The following DGKB variants were observed in gnomAD, a reference collection of about 807,000 sequenced individuals.
DGKB encodes diacylglycerol kinase beta, also known as 90 kDa diacylglycerol kinase.
A neutral mutation model predicts 114.3 loss-of-function variants in DGKB; 67 were observed. The ratio of observed to expected loss-of-function variants is 0.59; its 90% CI spans 0.48 to 0.72. The LOEUF (loss-of-function observed/expected upper bound fraction) is 0.72. Ranked by LOEUF, DGKB falls within the 30% of genes least tolerant of loss-of-function variation. The pLI is 0.00. For synonymous variants in DGKB, 398 were observed against 323.1 expected, an observed-to-expected ratio of 1.23 and a Z score of -2.49; for missense variants, 907 against 975.2, an observed-to-expected ratio of 0.93 and a Z score of 0.93.
chr7:14,153,071 T>C (rs1248095148), intron 25 of DGKB, among the ~76,000 whole-genome samples: 8 of 152,078 alleles, frequency 5.3e-5, no homozygotes. Context: ...AAATAATGTT[T>C]ATTCCCCAGA....
chr7:14,812,550 CA>C (rs1843585324), intron 2 of DGKB, among the ~76,000 whole-genome samples: 1 of 151,954 alleles, frequency 6.6e-6, no homozygotes, highest in Non-Finnish European at 1.5e-5. Flanking sequence ...AATATTAAAC[CA>C]CTTCACCTGT....
intron 21 of DGKB, among the ~76,000 whole-genome samples, chr7:14,360,041 A>T (rs953915444): frequency 6.6e-6 from 1 of 152,192 alleles, no homozygotes; most frequent in Non-Finnish European, 1.5e-5. Flanking sequence ...ACTATTCACA[A>T]TACAAAGACT....
intron 23 of DGKB, among the ~76,000 whole-genome samples, chr7:14,230,695 G>A (rs901475609): frequency 4.0e-5 from 6 of 149,284 alleles, no homozygotes; most frequent in African/African-American, 1.2e-4. Flanking sequence ...GAGATCAACC[G>A]ATCTTTCTTA....
At chr7:14,817,912 A>G (rs1286143905) in intron 2 of DGKB, among the ~76,000 whole-genome samples, 1 of 148,082 alleles carries the variant, frequency 6.8e-6, no homozygotes, top group African/African-American at 2.5e-5. Context: ...CATGATGCTG[A>G]CAGCAAGAAT....
At chr7:14,366,230 C>A (rs1391219341) in intron 21 of DGKB, among the ~76,000 whole-genome samples, 1 of 152,066 alleles carries the variant, frequency 6.6e-6, no homozygotes, top group East Asian at 1.9e-4. Context: ...TTTCATATAT[C>A]CACATGAAAT....
chr7:14,254,924 C>A (rs1261670079), intron 23 of DGKB, among the ~76,000 whole-genome samples: 1 of 152,130 alleles, frequency 6.6e-6, no homozygotes, highest in Non-Finnish European at 1.5e-5. Context: ...CTAGAGTTAA[C>A]AATGTCCCTA....
chr7:14,243,996 CT>C (rs1488656258), intron 23 of DGKB, among the ~76,000 whole-genome samples: 1 of 151,776 alleles, frequency 6.6e-6, no homozygotes, highest in Non-Finnish European at 1.5e-5. Flanking sequence ...TATTTTCCTT[CT>C]ATGAAATACA....
At chr7:14,907,196 G>A (rs1783755710), upstream of DGKB, among the ~76,000 whole-genome samples, 1 of 152,064 alleles carries the variant, frequency 6.6e-6, no homozygotes, top group South Asian at 2.1e-4. Flanking sequence ...ATAAAATATG[G>A]GATTTGATAG....
At chr7:14,296,058 C>G (rs1055819806) in intron 23 of DGKB, among the ~76,000 whole-genome samples, 2 of 138,432 alleles carry the variant, frequency 1.4e-5, no homozygotes, top group African/African-American at 5.4e-5. Context: ...TTTTTTCAGA[C>G]AAGAATCTCT....
At position 14,433,553 on chromosome 7, in the gene DGKB, T is replaced by G. The variant is rs546589674; in HGVS notation, c.1835+44608A>C. ...CATCCTTGAAGTTGTACAACATAAT[T>G]CCCTGAAAAAAACCACTACATAAGT... On this transcript the variant is annotated intron_variant, in intron 21 of 25. Transcript: ENST00000402815. Among the ~76,000 whole-genome samples the G allele has an allele frequency of 2.9e-4, 44 of 152,120 alleles. 1 individual carries two copies. In the South Asian group the frequency reaches 3.7e-3, roughly 13 times the overall value.
chr7:14,325,295 G>T (rs62443152), intron 23 of DGKB, among the ~76,000 whole-genome samples: 13,906 of 152,036 alleles, frequency 0.091, 819 homozygotes, highest in East Asian at 0.23. Context: ...GGTCATCATG[G>T]TGATTTGGTT....
At chr7:14,723,160 C>G (rs7802613) in intron 5 of DGKB, among the ~76,000 whole-genome samples, 3,462 of 152,118 alleles carry the variant, frequency 0.023, 134 homozygotes, top group African/African-American at 0.08. Context: ...TATTCAGAAG[C>G]TTAGGAGACA....
At chr7:14,735,077 G>A (rs574782617) in intron 5 of DGKB, among the ~76,000 whole-genome samples, 31 of 152,302 alleles carry the variant, frequency 2.0e-4, no homozygotes, top group African/African-American at 7.0e-4. Flanking sequence ...CTCTAAAGCA[G>A]TGTAGGCTCT....
intron 20 of DGKB, among the ~76,000 whole-genome samples, chr7:14,513,627 G>C (rs1788317209): frequency 6.6e-6 from 1 of 151,684 alleles, no homozygotes; most frequent in African/African-American, 2.4e-5. Flanking sequence ...TATAGTTGAA[G>C]GTCATTTTTA....
In DGKB at chr7:14,168,083, AAGAC is replaced by A. The variant is rs1280528292; in HGVS notation, c.2304+8752_2304+8755del. Reference sequence around the variant, plus strand: ...GGCAGATACTCTTGAAATGAAATGAAAGACAGAGAGCCTGAACTGAGAAATAGAA... The same window carrying A: ...GGCAGATACTCTTGAAATGAAATGAAAGAGAGCCTGAACTGAGAAATAGAA... On this transcript the variant is annotated intron_variant, in intron 25 of 25. Coordinates refer to ENST00000402815, the MANE Select transcript of DGKB (RefSeq NM_001350709.2). Among the ~76,000 whole-genome samples the A allele has an allele frequency of 1.9e-4, 29 of 152,308 alleles. 1 individual carries two copies. The highest frequency in any genetic ancestry group is 6.7e-4 in the African/African-American group (28 of 41,574).
At chr7:14,291,203 G>A (rs906343152) in intron 23 of DGKB, among the ~76,000 whole-genome samples, 9 of 150,232 alleles carry the variant, frequency 6.0e-5, no homozygotes, top group Non-Finnish European at 7.4e-5. Context: ...GAGCTATGAC[G>A]TAAGTAAGGC....
At chr7:14,668,559 C>T (rs531738626) in intron 13 of DGKB, among the ~76,000 whole-genome samples, 46 of 152,158 alleles carry the variant, frequency 3.0e-4, no homozygotes, top group African/African-American at 1.0e-3. Flanking sequence ...TAATATTTAT[C>T]TTATGTTGTC....
At chr7:14,686,413 T>C (rs542298763) in intron 9 of DGKB, among the ~76,000 whole-genome samples, 1 of 152,322 alleles carries the variant, frequency 6.6e-6, no homozygotes, top group Non-Finnish European at 1.5e-5. Context: ...CATCAAATTA[T>C]ATCAAACAGA....
rs1293864961 is a variant in DGKB, at chr7:14,157,365, C to A, written c.2305-8127G>T. Among the ~76,000 whole-genome samples the A allele has an allele frequency of 2.7e-5, 3 of 111,016 alleles. No individual in the cohort carries two copies. The East Asian group carries it at 9.3e-4, about 34-fold the overall frequency. 72.8% of individuals were successfully genotyped at this position (111,016 alleles called of 152,430 possible). On this transcript the variant is annotated intron_variant, in intron 25 of 25. Transcript: ENST00000402815. ...ATGAAACATAACAATTTTCTAAAAT[C>A]CTTTTGCCAGTTTTTTTTTTTTTTT...
Sources: allele counts gnomAD v4.1 joint callset (sites outside exome capture counted in the v4.1 genomes callset), GRCh38; gene constraint gnomAD v4.1.1; transcripts MANE v1.5; gene names NCBI Gene and HGNC (gene_info 2026-07-23, HGNC 2026-07-21).